The following EDAR variants were observed in gnomAD, a reference collection of about 807,000 sequenced individuals.
EDAR encodes ectodysplasin A receptor.
EDAR carries 38 observed loss-of-function variants against 51.3 expected under a neutral mutation model. That is an observed-to-expected ratio of 0.74 (90% CI 0.57 to 0.97). The LOEUF (loss-of-function observed/expected upper bound fraction) is 0.97. Among genes scored for constraint, EDAR ranks in the 50% least tolerant of loss-of-function variants. The pLI is 0.00. For missense variants in EDAR, 528 were observed against 595.0 expected (o/e 0.89, Z 1.17); for synonymous variants, 227 against 242.1 (o/e 0.94, Z 0.58).
At chr2:108,964,991 C>T (rs772439824) in intron 1 of EDAR, among the ~76,000 whole-genome samples, 13 of 152,096 alleles carry the variant, frequency 8.5e-5, no homozygotes, top group Non-Finnish European at 1.6e-4. Context: ...AGACTCTCTT[C>T]AATAGCACAA....
At chr2:108,977,525 C>T (rs1698345462) in intron 1 of EDAR, among the ~76,000 whole-genome samples, 1 of 152,160 alleles carries the variant, frequency 6.6e-6, no homozygotes, top group South Asian at 2.1e-4. Context: ...CAGCCTCGGC[C>T]TCCCAAAGTG....
At chr2:108,900,027 T>C (rs938387880) in intron 11 of EDAR, among the ~76,000 whole-genome samples, 2 of 152,154 alleles carry the variant, frequency 1.3e-5, no homozygotes, top group African/African-American at 2.4e-5. Flanking sequence ...TGATAAGTTA[T>C]ATGTGTCAAT....
At chr2:108,935,394 C>T (rs942664109) in intron 1 of EDAR, among the ~76,000 whole-genome samples, 9 of 152,170 alleles carry the variant, frequency 5.9e-5, no homozygotes, top group Non-Finnish European at 1.3e-4. Context: ...AATCTCAGCC[C>T]CGCCCAGACC....
At chr2:108,957,791 C>A (rs1465667992) in intron 1 of EDAR, among the ~76,000 whole-genome samples, 6 of 152,230 alleles carry the variant, frequency 3.9e-5, no homozygotes, top group African/African-American at 1.4e-4. Context: ...GTATTTCTTT[C>A]CCCTTTTGCT....
intron 5 of EDAR, among the ~76,000 whole-genome samples, chr2:108,921,834 C>A (rs1697147466): frequency 6.6e-6 from 1 of 152,254 alleles, no homozygotes; most frequent in African/African-American, 2.4e-5. Context: ...GGTCTGGGGC[C>A]TTGCCCAAGG....
At chr2:108,950,037 T>C (rs754016373) in intron 1 of EDAR, among the ~76,000 whole-genome samples, 54 of 152,208 alleles carry the variant, frequency 3.5e-4, no homozygotes, top group African/African-American at 5.8e-4. Flanking sequence ...ATTCACTGAG[T>C]GCGGCCTGGG....
chr2:108,904,545 T>C (rs983920010), intron 11 of EDAR, among the ~76,000 whole-genome samples: 1 of 151,472 alleles, frequency 6.6e-6, no homozygotes, highest in African/African-American at 2.5e-5. Flanking sequence ...ATAATAGCCG[T>C]TAAGTGGAAA....
At chr2:108,950,219 C>CCCTT (rs1697796958) in intron 1 of EDAR, among the ~76,000 whole-genome samples, 1 of 142,828 alleles carries the variant, frequency 7.0e-6, no homozygotes, top group South Asian at 2.3e-4. Flanking sequence ...CTCCCTCCCT[C>CCCTT]CCTTCCTTCC....
At chr2:108,969,174 CT>C (rs1331403137) in intron 1 of EDAR, among the ~76,000 whole-genome samples, 62 of 152,020 alleles carry the variant, frequency 4.1e-4, no homozygotes, top group African/African-American at 1.4e-3. Flanking sequence ...TATGGCTGGT[CT>C]TGATCTCTAG....
rs966087435 is a variant in EDAR at position 108,926,742 on chromosome 2, G to C, written c.356+2456C>G. 2.0e-5 allele frequency among the ~76,000 whole-genome samples: 3 copies of C among 152,250 alleles called. No individual in the cohort carries two copies. The South Asian group carries it at 6.2e-4, about 31-fold the overall frequency. ...GCAAGTGTCCTGGCCACACTGTGGG[G>C]AGGGCGGAGCATCAGGAGAAGCACC... On this transcript the variant is annotated intron_variant, in intron 4 of 11. Coordinates refer to ENST00000258443, the MANE Select transcript of EDAR (RefSeq NM_022336.4).
intron 3 of EDAR, among the ~76,000 whole-genome samples, chr2:108,929,791 G>GAA (rs1343754520): frequency 6.6e-6 from 1 of 152,122 alleles, no homozygotes; most frequent in Non-Finnish European, 1.5e-5. Flanking sequence ...CAGCACTCAG[G>GAA]AAAAAATGTA....
At position 108,930,179 on chromosome 2, in the gene EDAR, G is replaced by T; in HGVS notation, c.115C>A (p.Gln39Lys). 1 of 1,614,086 alleles carries T rather than the reference G, an allele frequency of 6.2e-7. No individual in the cohort carries two copies. The highest frequency in any genetic ancestry group is 8.5e-7 in the Non-Finnish European group (1 of 1,180,040). Residue 39 changes from glutamine to lysine, a missense_variant, in exon 3 of 12, where the codon CAG (glutamine) becomes AAG (lysine). Coordinates refer to ENST00000258443, the MANE Select transcript of EDAR (RefSeq NM_022336.4). ...CACTCCTGGCACAGCCCCGTAGTCT[G>T]GTTGTAGTACTCGTTCTCACCGCAG... Reference protein sequence around the residue: ...SNCGENEYYNQTTGLCQECPP... With the variant: ...SNCGENEYYNKTTGLCQECPP...
At chr2:108,929,163 G>T in intron 4 of EDAR, 35 bp downstream of exon 4, 1 of 1,612,860 alleles carries the variant, frequency 6.2e-7, no homozygotes, top group African/African-American at 1.3e-5. Context: ...TCTGCAGAAA[G>T]CATGCCAGGG....
At chr2:108,923,278 T>C (rs1454658791) in intron 5 of EDAR, 90 bp downstream of exon 5, 1 of 1,253,190 alleles carries the variant, frequency 8.0e-7, no homozygotes, top group Admixed American at 1.7e-5. Context: ...CTTGTCCAGG[T>C]GCCAGGACCG....
In EDAR at chr2:108,951,841, T is replaced by C. The variant is rs540448681; in HGVS notation, c.-18-20809A>G. 2.6e-5 allele frequency among the ~76,000 whole-genome samples: 4 copies of C among 152,372 alleles called. No homozygotes were observed. The East Asian group carries it at 7.7e-4, about 29-fold the overall frequency. ...GGACTATCTTCTCAAATCACAGTTA[T>C]ATTCCAATTAATTCGGCAGACATTA... On this transcript the variant is annotated intron_variant, in intron 1 of 11. Coordinates refer to ENST00000258443, the MANE Select transcript of EDAR (RefSeq NM_022336.4).
intron 3 of EDAR, among the ~76,000 whole-genome samples, chr2:108,929,725 C>T (rs1697329462): frequency 6.6e-6 from 1 of 152,164 alleles, no homozygotes; most frequent in African/African-American, 2.4e-5. Context: ...CCGGAGGTTT[C>T]CCTTAGTGCT....
In EDAR at chr2:108,897,242, A is replaced by G. The variant is rs555311994; in HGVS notation, c.1025-13T>C. 74 of 1,610,874 alleles carry G rather than the reference A, an allele frequency of 4.6e-5. No homozygotes were observed. The South Asian group carries it at 5.4e-4, about 12-fold the overall frequency. On this transcript the variant is annotated splice_polypyrimidine_tract_variant and intron_variant, in intron 11 of 11. Coordinates refer to ENST00000258443, the MANE Select transcript of EDAR (RefSeq NM_022336.4). ...GTGGGGCTAAGACCTACAGACACCA[A>G]TGGCCACAGTTAGATGTTGCAAGTC...
Position 108,929,232 on chromosome 2 carries a change from C to G in EDAR, c.322G>C (p.Glu108Gln). The G allele has an allele frequency of 6.2e-7, 1 of 1,614,170 alleles. No individual in the cohort carries two copies. Among genetic ancestry groups the G allele is most frequent in the Non-Finnish European group, 8.5e-7 (1 of 1,180,042 alleles). Residue 108 changes from glutamate (E) to glutamine (Q), a missense_variant, in exon 4 of 12, where the codon GAG (glutamate) becomes CAG (glutamine). By Grantham distance (29) the Glu-to-Gln change is conservative. Transcript: ENST00000258443. ...CAAGGGCCACACTCAGCGTCATTCTCCATGTCCCCTGGTGTCAGCACGGTG... is the reference window on the plus strand; with the variant it reads ...CAAGGGCCACACTCAGCGTCATTCTGCATGTCCCCTGGTGTCAGCACGGTG... ...RATVLTPGDM[E>Q]NDAECGPCLP...
At chr2:108,968,111 C>G (rs750805861) in intron 1 of EDAR, among the ~76,000 whole-genome samples, 10 of 152,160 alleles carry the variant, frequency 6.6e-5, no homozygotes, top group Non-Finnish European at 1.3e-4. Flanking sequence ...GATAATATCA[C>G]CTGATTTTCA....
Sources: allele counts gnomAD v4.1 joint callset (sites outside exome capture counted in the v4.1 genomes callset), GRCh38; gene constraint gnomAD v4.1.1; transcripts MANE v1.5; gene names NCBI Gene and HGNC (gene_info 2026-07-23, HGNC 2026-07-21).